Variants in PTPRK observed in about 807,000 individuals in gnomAD.
PTPRK encodes the protein protein tyrosine phosphatase receptor type K, also known as receptor-type tyrosine-protein phosphatase kappa.
PTPRK carries 75 observed loss-of-function variants against 178.0 expected under a neutral mutation model. That is an observed-to-expected ratio of 0.42 (90% CI 0.35 to 0.51). The LOEUF (loss-of-function observed/expected upper bound fraction) is 0.51. PTPRK is among the 20% of genes least tolerant of loss of function. PTPRK has a pLI of 0.02. For synonymous variants in PTPRK, 637 were observed against 620.6 expected, an observed-to-expected ratio of 1.03 and a Z score of -0.39; for missense variants, 1,441 against 1,797.8, an observed-to-expected ratio of 0.80 and a Z score of 3.59.
At chr6:128,110,983 C>T (rs1790558471) in intron 7 of PTPRK, among the ~76,000 whole-genome samples, 1 of 152,142 alleles carries the variant, frequency 6.6e-6, no homozygotes, top group African/African-American at 2.4e-5. Context: ...ACCTACATAT[C>T]ACCACGTCTG....
intron 7 of PTPRK, among the ~76,000 whole-genome samples, chr6:128,141,212 GA>G (rs947417105): frequency 1.3e-5 from 2 of 151,732 alleles, no homozygotes; most frequent in Non-Finnish European, 2.9e-5. Context: ...ATGAAACCTT[GA>G]AAATGTATAA....
chr6:128,038,138 G>A (rs189325385), intron 13 of PTPRK, among the ~76,000 whole-genome samples: 2 of 152,002 alleles, frequency 1.3e-5, no homozygotes, highest in Admixed American at 6.6e-5. Context: ...CTGGTAATAC[G>A]CATATTTATC....
chr6:128,261,697 T>C (rs1248467030), intron 3 of PTPRK, among the ~76,000 whole-genome samples: 1 of 151,158 alleles, frequency 6.6e-6, no homozygotes, highest in Non-Finnish European at 1.5e-5. Flanking sequence ...AATGAATAAA[T>C]ACATTTTTAA....
chr6:128,220,814 A>T (rs1345799721), intron 5 of PTPRK, among the ~76,000 whole-genome samples: 2 of 152,242 alleles, frequency 1.3e-5, no homozygotes, highest in Non-Finnish European at 2.9e-5. Flanking sequence ...TGGGACAGTT[A>T]AACTAGGCAA....
At chr6:128,320,594 T>C (rs1486383361) in intron 3 of PTPRK, among the ~76,000 whole-genome samples, 2 of 151,766 alleles carry the variant, frequency 1.3e-5, no homozygotes, top group East Asian at 3.9e-4. Flanking sequence ...GGGGTTTTAA[T>C]TTGTTTTGTG....
At position 127,995,581 on chromosome 6, in the gene PTPRK, CCT is replaced by C. The variant is rs776892691; in HGVS notation, c.2768-45_2768-44del. 25 of 1,265,756 alleles carry C rather than the reference CCT, an allele frequency of 2.0e-5. No homozygotes were observed. The East Asian group carries it at 5.2e-4, about 27-fold the overall frequency. 78.4% of individuals were successfully genotyped at this position (1,265,756 alleles called of 1,614,324 possible). A position where few individuals can be genotyped will look rare whatever the true frequency, so the allele number is the denominator to read the frequency against. ...TAAATATAAGCTGTTAAATTTTCCCCCTGTTCTGAGACAATGTCATTGGTAGA... is the reference window on the plus strand; with the variant it reads ...TAAATATAAGCTGTTAAATTTTCCCCGTTCTGAGACAATGTCATTGGTAGA... On this transcript the variant is annotated intron_variant, in intron 17 of 29. Coordinates refer to ENST00000368226, the MANE Select transcript of PTPRK (RefSeq NM_002844.4).
intron 3 of PTPRK, among the ~76,000 whole-genome samples, chr6:128,255,725 CA>C (rs530840383): frequency 9.2e-5 from 14 of 152,324 alleles, no homozygotes; most frequent in Admixed American, 3.9e-4. Flanking sequence ...GCATCAACAA[CA>C]CCTGGAAACT....
chr6:128,215,346 T>C (rs1305003425), intron 6 of PTPRK, among the ~76,000 whole-genome samples: 4 of 152,160 alleles, frequency 2.6e-5, no homozygotes, highest in African/African-American at 9.7e-5. Flanking sequence ...AGTTGGTGCT[T>C]TCAGTTTGAA....
At chr6:128,038,877 C>T (rs1776683606) in intron 13 of PTPRK, among the ~76,000 whole-genome samples, 1 of 152,102 alleles carries the variant, frequency 6.6e-6, no homozygotes, top group Admixed American at 6.6e-5. Flanking sequence ...GCAGTGTTAT[C>T]ATTAACTGAA....
chr6:128,430,598 C>T (rs1454924483), intron 1 of PTPRK, among the ~76,000 whole-genome samples: 2 of 152,104 alleles, frequency 1.3e-5, no homozygotes, highest in South Asian at 2.1e-4. Context: ...TATGCACTTG[C>T]ATGAGAGTGT....
chr6:128,253,194 G>A (rs151101596), intron 3 of PTPRK, among the ~76,000 whole-genome samples: 8 of 152,170 alleles, frequency 5.3e-5, no homozygotes, highest in African/African-American at 1.7e-4. Context: ...TCTAATTTAT[G>A]TGAGAATATG....
chr6:128,143,083 C>T (rs759155420), intron 7 of PTPRK, among the ~76,000 whole-genome samples: 2 of 152,084 alleles, frequency 1.3e-5, no homozygotes, highest in Non-Finnish European at 2.9e-5. Flanking sequence ...TATAACACTT[C>T]TCCCCTTTCT....
At chr6:128,470,403 G>T (rs75145672) in intron 1 of PTPRK, among the ~76,000 whole-genome samples, 34 of 149,664 alleles carry the variant, frequency 2.3e-4, no homozygotes, top group Middle Eastern at 3.5e-3. Context: ...CCTCTAATGC[G>T]TTTTTTTTTA....
chr6:127,983,221 A>G, intron 23 of PTPRK, 21 bp downstream of exon 23: 1 of 1,562,372 alleles, frequency 6.4e-7, no homozygotes, highest in Middle Eastern at 1.7e-4. Flanking sequence ...AAAAAAGTCC[A>G]CTACAGGTAA....
chr6:128,078,213 T>G (rs1315454180), intron 11 of PTPRK, among the ~76,000 whole-genome samples: 1 of 152,032 alleles, frequency 6.6e-6, no homozygotes, highest in Non-Finnish European at 1.5e-5. Context: ...AATGGTTCAG[T>G]GCATGAATAT....
chr6:127,988,065 A>G (rs933182502), intron 21 of PTPRK, among the ~76,000 whole-genome samples: 69 of 152,138 alleles, frequency 4.5e-4, no homozygotes, highest in Non-Finnish European at 6.6e-4. Flanking sequence ...TAGGGAAAAA[A>G]TAATAGGTCA....
chr6:128,200,219 T>C (rs1805665010), intron 6 of PTPRK, among the ~76,000 whole-genome samples: 1 of 152,214 alleles, frequency 6.6e-6, no homozygotes, highest in South Asian at 2.1e-4. Context: ...ATTTGTACTC[T>C]GCATTGCCAC....
chr6:128,268,000 G>A (rs923115883), intron 3 of PTPRK, among the ~76,000 whole-genome samples: 4 of 151,726 alleles, frequency 2.6e-5, no homozygotes, highest in Non-Finnish European at 5.9e-5. Flanking sequence ...AAATATATAC[G>A]GAACCATCAT....
At chr6:128,470,365 G>T (rs995623895) in intron 1 of PTPRK, among the ~76,000 whole-genome samples, 1 of 151,272 alleles carries the variant, frequency 6.6e-6, no homozygotes, top group Non-Finnish European at 1.5e-5. Context: ...TTTGAGCTTT[G>T]ACTTTTTCTA....
Sources: gnomAD v4.1 joint callset for allele counts (sites outside exome capture counted in the v4.1 genomes callset) on GRCh38, gnomAD v4.1.1 for gene constraint, MANE v1.5 for transcripts, NCBI Gene and HGNC (gene_info 2026-07-23, HGNC 2026-07-21) for gene names.